FAT2: variants seen among roughly 807,000 people sequenced by gnomAD.
FAT2 encodes the protein FAT atypical cadherin 2.
In FAT2, 150 loss-of-function variants were observed where a neutral mutation model predicts 295.3. The observed-to-expected ratio is 0.51, with a 90% CI of 0.44 to 0.58. The LOEUF is 0.58. Ranked by LOEUF, FAT2 falls within the 20% of genes least tolerant of loss-of-function variation. The pLI, the probability that FAT2 is intolerant of heterozygous loss-of-function variation, is 0.00. For synonymous variants in FAT2, 2,026 were observed against 2,150.3 expected, an observed-to-expected ratio of 0.94 and a Z score of 1.60; for missense variants, 4,868 against 5,442.7, an observed-to-expected ratio of 0.89 and a Z score of 3.32.
intron 1 of FAT2, among the ~76,000 whole-genome samples, chr5:151,581,434 C>G (rs1016173049): frequency 2.0e-5 from 3 of 152,128 alleles, no homozygotes; most frequent in Admixed American, 6.5e-5. Context: ...GGAGACTAGT[C>G]CCTGCTTTCC....
chr5:151,529,166 G>A lies in FAT2; in HGVS notation c.10026+12C>T, dbSNP rs1172831019. 6.2e-7 allele frequency: 1 copy of A among 1,612,200 alleles called. No individual in the cohort carries two copies. Among genetic ancestry groups the A allele is most frequent in the Non-Finnish European group, 8.5e-7 (1 of 1,178,380 alleles). On this transcript the variant is annotated intron_variant, in intron 15 of 23. Coordinates refer to ENST00000261800, the MANE Select transcript of FAT2 (RefSeq NM_001447.3). ...TTCTTGTCCCACAAAGAGCAAGGTG[G>A]CAGATCCTTACCGTGAGGATGACGT...
intron 5 of FAT2, 65 bp from the exon 6 acceptor site, chr5:151,553,452 G>A (rs1757398818): frequency 1.4e-6 from 2 of 1,444,814 alleles, no homozygotes; most frequent in South Asian, 2.4e-5. Context: ...CAAGCAGCCA[G>A]GACAGGAACC....
Position 151,566,449 on chromosome 5 carries a change from G to T in FAT2, c.2483C>A (p.Thr828Asn), listed in dbSNP as rs1224522056. ...PRFPPGGYQL[T>N]ISEDTEVGTT... is the part of the protein sequence containing the mutation. ...TCCAACTTCTGTGTCCTCCGAGATG[G>T]TTAACTGGTACCCACCGGGAGGAAA... The change falls in exon 2 of 24, where the codon ACC (threonine) becomes AAC (asparagine). Residue 828 changes from threonine to asparagine, a missense_variant. By Grantham distance (65) the Thr-to-Asn change is moderately conservative. Coordinates refer to ENST00000261800, the MANE Select transcript of FAT2 (RefSeq NM_001447.3). 11 of 1,613,348 alleles carry T rather than the reference G, an allele frequency of 6.8e-6. No individual in the cohort carries two copies. The highest frequency in any genetic ancestry group is 1.3e-5 in the African/African-American group (1 of 74,894).
In FAT2 at chr5:151,505,807, C is replaced by T. The variant is rs1561806530; in HGVS notation, c.12808G>A (p.Glu4270Lys). Residue 4270 changes from glutamate (E) to lysine (K), a missense_variant, in exon 24 of 24, where the codon GAG becomes AAG. This residue lies in a region of FAT2 where 492 missense variants were observed against 482.6 expected (regional missense o/e 1.02). Coordinates refer to ENST00000261800, the MANE Select transcript of FAT2 (RefSeq NM_001447.3). ...TGGTAGTAGCTGATGGCCGTGTACT[C>T]ATTGAGACAGGGGGCAACCAGGCGC... ...RERLVAPCLNEYTAISYYHSQ... is the reference protein window; with the variant it reads ...RERLVAPCLNKYTAISYYHSQ... The T allele has an allele frequency of 6.2e-7, 1 of 1,613,820 alleles. No homozygotes were observed. Among genetic ancestry groups the T allele is most frequent in the Non-Finnish European group, 8.5e-7 (1 of 1,179,886 alleles).
chr5:151,541,005 G>A (rs2288778), intron 10 of FAT2, among the ~76,000 whole-genome samples: 42,025 of 152,118 alleles, frequency 0.28, 6,731 homozygotes, highest in Non-Finnish European at 0.36. Context: ...TTCAAAATAT[G>A]TGGCTGAAGG....
chr5:151,525,643 C>T, intron 18 of FAT2, 125 bp downstream of exon 18: 1 of 1,010,268 alleles, frequency 9.9e-7, no homozygotes, highest in South Asian at 1.5e-5. Context: ...AGGACCTAGC[C>T]CAGTGCCTGA....
intron 10 of FAT2, among the ~76,000 whole-genome samples, chr5:151,541,208 C>T (rs1756100713): frequency 6.6e-6 from 1 of 152,156 alleles, no homozygotes; most frequent in African/African-American, 2.4e-5. Context: ...TGTAGGAGCA[C>T]TAGGGTTTGC....
chr5:151,507,598 C>T lies in FAT2; in HGVS notation c.12073G>A (p.Ala4025Thr), dbSNP rs373396929. 6.3e-7 allele frequency: 1 copy of T among 1,597,132 alleles called. No individual in the cohort carries two copies. Among genetic ancestry groups the T allele is most frequent in the Non-Finnish European group, 8.5e-7 (1 of 1,175,410 alleles). Residue 4025 changes from alanine (A) to threonine (T), a missense_variant, in exon 23 of 24, where the codon GCG becomes ACG. Coordinates refer to ENST00000261800, the MANE Select transcript of FAT2 (RefSeq NM_001447.3). ...CAGTGTCCTTCTGAACAACCCCTCG[C>T]CTCCATTTCACACCTGCGGAGACAG... is the stretch of plus-strand genomic sequence containing the variant. Reference protein sequence around the residue: ...PYTGDRCEMEARGCSEGHCLV... With the variant: ...PYTGDRCEMETRGCSEGHCLV...
rs147663319 is a variant in FAT2 at position 151,566,284 on chromosome 5, C to T, written c.2648G>A (p.Arg883His). The T allele has an allele frequency of 1.5e-5, 24 of 1,613,990 alleles. No individual in the cohort carries two copies. Among genetic ancestry groups the T allele is most frequent in the South Asian group, 9.9e-5 (9 of 91,058 alleles). The change falls in exon 2 of 24, where the codon CGC becomes CAC. Residue 883 changes from arginine to histidine, a missense_variant. Transcript: ENST00000261800. ...GELVVTGHLD[R>H]ESEPRYILKV... ...GAGTATGTACCGAGGCTCTGATTCG[C>T]GGTCCAGGTGTCCTGTAACAACCAG...
intron 19 of FAT2, among the ~76,000 whole-genome samples, chr5:151,520,117 G>A (rs918790139): frequency 6.6e-6 from 1 of 152,254 alleles, no homozygotes; most frequent in African/African-American, 2.4e-5. Context: ...AAATCGAGTG[G>A]TCCCTGGACA....
At chr5:151,506,258 A>G (rs1760864268) in intron 23 of FAT2, among the ~76,000 whole-genome samples, 161 bp from the exon 24 acceptor site, 1 of 152,368 alleles carries the variant, frequency 6.6e-6, no homozygotes, top group African/African-American at 2.4e-5. Flanking sequence ...TTGATAACAT[A>G]GAATCCAATG....
At position 151,543,628 on chromosome 5, in the gene FAT2, A is replaced by C; in HGVS notation, c.7499T>G (p.Val2500Gly). 1 of 1,614,120 alleles carries C rather than the reference A, an allele frequency of 6.2e-7. No homozygotes were observed. The highest frequency in any genetic ancestry group is 8.5e-7 in the Non-Finnish European group (1 of 1,180,016). The change falls in exon 10 of 24, where the codon GTG becomes GGG. Residue 2500 changes from valine (V) to glycine (G), a missense_variant. Physicochemically the swap from Val to Gly is moderately radical, Grantham distance 109 (BLOSUM62 -3). Around this residue, in one of 5 missense-constraint regions of FAT2, gnomAD observed 3,297 missense variants for 3,669.4 expected, o/e 0.90. Coordinates refer to ENST00000261800, the MANE Select transcript of FAT2 (RefSeq NM_001447.3). Reference protein sequence around the residue: ...LAENAMVGTKVIDLLAIDKDS... With the variant: ...LAENAMVGTKGIDLLAIDKDS... ...TTTGTCTATGGCTAGCAAATCAATC[A>C]CCTTGGTTCCAACCATTGCATTCTC...
chr5:151,576,674 A>G (rs1355655479), intron 1 of FAT2, among the ~76,000 whole-genome samples: 2 of 152,212 alleles, frequency 1.3e-5, no homozygotes, highest in Non-Finnish European at 2.9e-5. Context: ...GAAATGTGTC[A>G]TTATTTGAAC....
chr5:151,545,143 T>C lies in FAT2; in HGVS notation c.5984A>G (p.Asn1995Ser). Residue 1995 changes from asparagine to serine, a missense_variant, in exon 10 of 24, where the codon AAT becomes AGT. Around this residue, in one of 5 missense-constraint regions of FAT2, gnomAD observed 3,297 missense variants for 3,669.4 expected, o/e 0.90. Transcript: ENST00000261800. ...KALVILGAQG[N>S]HLNDTLSYFL... ...GTAGGAAAGGGTGTCATTCAAATGA[T>C]TGCCCTGGGCACCAAGAATCACCAG... 6.2e-7 allele frequency: 1 copy of C among 1,614,212 alleles called. No individual in the cohort carries two copies. The highest frequency in any genetic ancestry group is 8.5e-7 in the Non-Finnish European group (1 of 1,180,034).
rs1197944516 is a variant in FAT2, at chr5:151,565,857, C to A, written c.3075G>T (p.Glu1025Asp). ...HVEVIVLDVN[E>D]NLHPPHFASF... ...AGGCAAAGTGGGGAGGGTGGAGATTCTCATTCACATCCAGGACGATCACCT... is the reference window on the plus strand; with the variant it reads ...AGGCAAAGTGGGGAGGGTGGAGATTATCATTCACATCCAGGACGATCACCT... The change falls in exon 2 of 24, where the codon GAG becomes GAT. Residue 1025 changes from glutamate to aspartate, a missense_variant. Physicochemically the swap from Glu to Asp is conservative, Grantham distance 45. Around this residue, in one of 5 missense-constraint regions of FAT2, gnomAD observed 3,297 missense variants for 3,669.4 expected, o/e 0.90. Transcript: ENST00000261800. 6.2e-7 allele frequency: 1 copy of A among 1,614,048 alleles called. No individual in the cohort carries two copies. The highest frequency in any genetic ancestry group is 8.5e-7 in the Non-Finnish European group (1 of 1,180,008).
At chr5:151,516,968 C>G (rs1752933648) in intron 20 of FAT2, among the ~76,000 whole-genome samples, 1 of 152,064 alleles carries the variant, frequency 6.6e-6, no homozygotes, top group African/African-American at 2.4e-5. Flanking sequence ...AATAGCCAGG[C>G]ATGGTGGTGT....
intron 1 of FAT2, among the ~76,000 whole-genome samples, chr5:151,572,335 T>C (rs1344230601): frequency 2.0e-5 from 3 of 152,176 alleles, no homozygotes; most frequent in Admixed American, 6.5e-5. Context: ...GAATGAACGC[T>C]GAAAGAGCCT....
rs560964816 is a variant in FAT2, at chr5:151,570,988, C to T, written c.-20-2037G>A. 3.3e-5 allele frequency among the ~76,000 whole-genome samples: 5 copies of T among 152,248 alleles called. No individual in the cohort carries two copies. The South Asian group carries it at 1.0e-3, about 32-fold the overall frequency. On this transcript the variant is annotated intron_variant, in intron 1 of 23. Coordinates refer to ENST00000261800, the MANE Select transcript of FAT2 (RefSeq NM_001447.3). ...TCAATATGTCCCACCCTTCGAGCTT[C>T]CCTACCACCCGCCTCCCAACTCCTG...
In FAT2 at chr5:151,505,690, A is replaced by G. The variant is rs1476286096; in HGVS notation, c.12925T>C (p.Tyr4309His). Residue 4309 changes from tyrosine (Y) to histidine (H), a missense_variant, in exon 24 of 24, where the codon TAT becomes CAT. Coordinates refer to ENST00000261800, the MANE Select transcript of FAT2 (RefSeq NM_001447.3). The stretch of plus-strand genomic sequence containing the variant: ...GCCCCCTCCACCTCACAGACAGCAT[A>G]AGAGGGCCCAGCTCGGCTGAGGCGC... The part of the protein sequence containing the change: ...GMRLSRAGPS[Y>H]AVCEVEGAPL... The G allele has an allele frequency of 1.2e-6, 2 of 1,613,994 alleles. No individual in the cohort carries two copies.
Sources: allele counts gnomAD v4.1 joint callset (sites outside exome capture counted in the v4.1 genomes callset), GRCh38; gene constraint gnomAD v4.1.1; regional missense constraint gnomAD v4.1.1; transcripts MANE v1.5; gene names NCBI Gene and HGNC (gene_info 2026-07-23, HGNC 2026-07-21).